The following ADAM2 variants were observed in gnomAD, a reference collection of about 807,000 sequenced individuals.
The protein encoded by ADAM2 is disintegrin and metalloproteinase domain-containing protein 2.
Under a neutral mutation model 99.3 loss-of-function variants are expected in ADAM2, and 101 were observed. The ratio of observed to expected loss-of-function variants is 1.02; its 90% CI spans 0.87 to 1.20. The LOEUF is 1.20. ADAM2 is among the 50% of genes most tolerant of loss of function. The pLI is 0.00. For missense variants in ADAM2, 948 were observed against 878.7 expected (o/e 1.08, Z -1.00); for synonymous variants, 323 against 287.6 (o/e 1.12, Z -1.25).
intron 15 of ADAM2, among the ~76,000 whole-genome samples, chr8:39,760,838 G>A (rs530407024): frequency 4.7e-4 from 56 of 119,604 alleles, no homozygotes; most frequent in African/African-American, 1.7e-3. Context: ...TAAAGTAATA[G>A]CACCACTGCA....
At chr8:39,813,543 G>C (rs760736471) in intron 6 of ADAM2, among the ~76,000 whole-genome samples, 1 of 152,162 alleles carries the variant, frequency 6.6e-6, no homozygotes, top group African/African-American at 2.4e-5. Flanking sequence ...ATGACAGACT[G>C]GATAAAGAAA....
intron 2 of ADAM2, among the ~76,000 whole-genome samples, chr8:39,835,233 T>G (rs1320287187): frequency 6.6e-6 from 1 of 152,184 alleles, no homozygotes; most frequent in Non-Finnish European, 1.5e-5. Context: ...TGCCAATCAC[T>G]CTATGCTTAA....
intron 10 of ADAM2, among the ~76,000 whole-genome samples, chr8:39,781,752 C>G (rs1007142820): frequency 6.6e-6 from 1 of 152,074 alleles, no homozygotes; most frequent in African/African-American, 2.4e-5. Context: ...ATGCAGAGGA[C>G]TTGGAATACC....
At chr8:39,807,676 G>A (rs1279913750) in intron 7 of ADAM2, among the ~76,000 whole-genome samples, 2 of 152,092 alleles carry the variant, frequency 1.3e-5, no homozygotes, top group African/African-American at 4.8e-5. Flanking sequence ...GCCCTCACCA[G>A]AATGTAACCA....
intron 10 of ADAM2, among the ~76,000 whole-genome samples, chr8:39,783,358 CCATTCTTAAATATGATTATGGACCT>C (rs1279457640): frequency 2.0e-5 from 3 of 151,792 alleles, no homozygotes. Context: ...TTGTTTTTTT[CCATTCTTAAATATGATTATGGACCT>C]CTTTTTCCTT....
intron 3 of ADAM2, among the ~76,000 whole-genome samples, chr8:39,829,175 G>A (rs1805523052): frequency 6.6e-6 from 1 of 151,830 alleles, no homozygotes; most frequent in Non-Finnish European, 1.5e-5. Context: ...AAATATTTTA[G>A]AGGATTATAT....
chr8:39,806,985 A>G (rs1166279035), intron 7 of ADAM2, among the ~76,000 whole-genome samples: 2 of 152,216 alleles, frequency 1.3e-5, no homozygotes, highest in African/African-American at 4.8e-5. Flanking sequence ...GAAGAGGAAA[A>G]GATACCCTGA....
At chr8:39,791,773 A>G (rs1323272261) in intron 7 of ADAM2, among the ~76,000 whole-genome samples, 1 of 152,088 alleles carries the variant, frequency 6.6e-6, no homozygotes, top group Non-Finnish European at 1.5e-5. Context: ...TGCCACATTC[A>G]CAGGGATTTT....
At chr8:39,823,210 C>T (rs1305252804) in intron 4 of ADAM2, among the ~76,000 whole-genome samples, 1 of 152,224 alleles carries the variant, frequency 6.6e-6, no homozygotes, top group Non-Finnish European at 1.5e-5. Context: ...TTGTCCTACT[C>T]TGGATGCAGG....
intron 7 of ADAM2, among the ~76,000 whole-genome samples, chr8:39,807,146 A>T (rs1290129554): frequency 6.6e-6 from 1 of 152,232 alleles, no homozygotes; most frequent in Non-Finnish European, 1.5e-5. Flanking sequence ...CATCAAGCCA[A>T]ACAGCATTAT....
rs869152479 is a variant in ADAM2 at position 39,769,612 on chromosome 8, G to GTT, written c.1029-39_1029-38dup. The stretch of plus-strand genomic sequence containing the variant: ...TCAAACGTCAAATTTTAATGTAAGG[G>GTT]TTTCCATAAACTACCTACCCTTAGA... On this transcript the variant is annotated intron_variant, in intron 11 of 20. Transcript: ENST00000265708. The GTT allele has an allele frequency of 4.7e-6, 7 of 1,480,114 alleles. No homozygotes were observed. The South Asian group carries it at 8.2e-5, about 17-fold the overall frequency. The allele number at this position is 1,480,114 out of a possible 1,614,324, so 91.7% of individuals were successfully genotyped here. A position where few individuals can be genotyped will look rare whatever the true frequency, so the allele number is the denominator to read the frequency against.
At chr8:39,835,080 G>A (rs570855883) in intron 2 of ADAM2, among the ~76,000 whole-genome samples, 3 of 152,128 alleles carry the variant, frequency 2.0e-5, no homozygotes, top group Non-Finnish European at 4.4e-5. Context: ...CTTACGTTCT[G>A]AGGCACCAGG....
chr8:39,786,984 C>T lies in ADAM2; in HGVS notation c.881G>A (p.Gly294Asp). ...GKMCDANYAG[G>D]VVLHPRTISL... ...ATAACCATACCATACCAGAACAACACCTCCTGCATAGTTTGCATCACACAT... is the reference window on the plus strand; with the variant it reads ...ATAACCATACCATACCAGAACAACATCTCCTGCATAGTTTGCATCACACAT... Residue 294 changes from glycine to aspartate, a missense_variant, in exon 10 of 21, where the codon GGT becomes GAT. Transcript: ENST00000265708. 1 of 1,589,676 alleles carries T rather than the reference C, an allele frequency of 6.3e-7. No individual in the cohort carries two copies. Among genetic ancestry groups the T allele is most frequent in the Non-Finnish European group, 8.6e-7 (1 of 1,168,140 alleles).
chr8:39,788,177 G>A lies in ADAM2; in HGVS notation c.717C>T (p.Thr239=). The A allele has an allele frequency of 6.3e-7, 1 of 1,585,954 alleles. No homozygotes were observed. The highest frequency in any genetic ancestry group is 2.3e-5 in the East Asian group (1 of 43,548). The change falls in exon 9 of 21, where the codon ACC becomes ACT. Residue 239 remains threonine (T), a synonymous_variant. Coordinates refer to ENST00000265708, the MANE Select transcript of ADAM2 (RefSeq NM_001464.5). Reference sequence around the variant, plus strand: ...GTAATAACTCATTAGCTTCTCCAGTGGTTGCAATTTTATTTTCATCTATCC... The same window carrying A: ...GTAATAACTCATTAGCTTCTCCAGTAGTTGCAATTTTATTTTCATCTATCC... ...ELWIDENKIA[T]TGEANELLHT... is the part of the protein sequence containing the mutation.
In ADAM2 at chr8:39,769,592, C is replaced by T. The variant is rs779295237; in HGVS notation, c.1029-17G>A. The T allele has an allele frequency of 4.1e-5, 65 of 1,589,268 alleles. No individual in the cohort carries two copies. Among genetic ancestry groups the T allele is most frequent in the Middle Eastern group, 1.7e-4 (1 of 5,834 alleles). On this transcript the variant is annotated splice_polypyrimidine_tract_variant and intron_variant, in intron 11 of 20. Coordinates refer to ENST00000265708, the MANE Select transcript of ADAM2 (RefSeq NM_001464.5). Reference sequence around the variant, plus strand: ...CTGAAATGACTAAAGACACATCAAACGTCAAATTTTAATGTAAGGGTTTCC... The same window carrying T: ...CTGAAATGACTAAAGACACATCAAATGTCAAATTTTAATGTAAGGGTTTCC...
chr8:39,786,064 CCAAATACTGCGTGTTCT>C (rs1803455985), intron 10 of ADAM2, among the ~76,000 whole-genome samples: 1 of 152,068 alleles, frequency 6.6e-6, no homozygotes, highest in African/African-American at 2.4e-5. Context: ...GAACAGAAAA[CCAAATACTGCGTGTTCT>C]CACTTATAAG....
At chr8:39,744,806 T>G in intron 20 of ADAM2, 24 bp downstream of exon 20, 1 of 1,495,686 alleles carries the variant, frequency 6.7e-7, no homozygotes, top group Non-Finnish European at 9.1e-7. Context: ...TAAAATAAAT[T>G]TTAAAAAAAT....
chr8:39,810,642 A>G (rs1180485473), intron 6 of ADAM2, among the ~76,000 whole-genome samples: 3 of 152,194 alleles, frequency 2.0e-5, no homozygotes, highest in Admixed American at 6.5e-5. Context: ...ACTCAAAACC[A>G]CTCAACTACA....
intron 7 of ADAM2, among the ~76,000 whole-genome samples, chr8:39,803,854 T>G (rs1359695642): frequency 6.6e-6 from 1 of 152,144 alleles, no homozygotes; most frequent in African/African-American, 2.4e-5. Flanking sequence ...CTTTGCTTAT[T>G]TGTTTTGTTT....
Sources: allele counts gnomAD v4.1 joint callset (sites outside exome capture counted in the v4.1 genomes callset), GRCh38; gene constraint gnomAD v4.1.1; transcripts MANE v1.5; gene names NCBI Gene and HGNC (gene_info 2026-07-23, HGNC 2026-07-21).